ZDHHC11: variants seen among roughly 807,000 people sequenced by gnomAD.
The protein encoded by ZDHHC11 is zDHHC palmitoyltransferase 11, also known as palmitoyltransferase ZDHHC11.
ZDHHC11 carries 44 observed loss-of-function variants against 51.3 expected under a neutral mutation model. The observed-to-expected ratio is 0.86, with a 90% CI of 0.67 to 1.10. The LOEUF is 1.10. Among genes scored for constraint, ZDHHC11 ranks in the 50% least tolerant of loss-of-function variants. ZDHHC11 has a pLI of 0.00. For synonymous variants in ZDHHC11, 163 were observed against 222.0 expected, an observed-to-expected ratio of 0.73 and a Z score of 2.36; for missense variants, 400 against 537.7, an observed-to-expected ratio of 0.74 and a Z score of 2.53.
At chr5:829,070 A>G (rs529005696) in intron 7 of ZDHHC11, among the ~76,000 whole-genome samples, 1 of 135,246 alleles carries the variant, frequency 7.4e-6, no homozygotes, top group Admixed American at 7.7e-5. Flanking sequence ...CAGACAATCT[A>G]AAGTCACACC....
intron 1 of ZDHHC11, among the ~76,000 whole-genome samples, chr5:857,515 T>C (rs1183233606): frequency 6.6e-6 from 1 of 152,098 alleles, no homozygotes; most frequent in African/African-American, 2.4e-5. Flanking sequence ...CATCCCTGTC[T>C]TTATGACACC....
rs191700048 is a variant in ZDHHC11, at chr5:827,792, G to C, written c.936-2541C>G. ...TTCTTGGGTGTTTCTCACAGAGGGGGATTTGGCAGGGTCATAGGACAATAG... is the reference window on the plus strand; with the variant it reads ...TTCTTGGGTGTTTCTCACAGAGGGGCATTTGGCAGGGTCATAGGACAATAG... On this transcript the variant is annotated intron_variant, in intron 7 of 12. Coordinates refer to ENST00000283441, the MANE Select transcript of ZDHHC11 (RefSeq NM_024786.3). 8.2e-4 allele frequency among the ~76,000 whole-genome samples: 123 copies of C among 150,106 alleles called. 1 individual carries two copies. Among genetic ancestry groups the C allele is most frequent in the African/African-American group, 2.9e-3 (119 of 40,672 alleles).
intron 6 of ZDHHC11, among the ~76,000 whole-genome samples, chr5:834,690 C>T (rs1209846173): frequency 6.6e-6 from 1 of 152,298 alleles, no homozygotes; most frequent in Non-Finnish European, 1.5e-5. Flanking sequence ...TGTTTTTTCA[C>T]AAATTGAGGG....
chr5:798,843 G>A (rs1181442354), intron 12 of ZDHHC11, among the ~76,000 whole-genome samples: 3 of 152,096 alleles, frequency 2.0e-5, no homozygotes, highest in Middle Eastern at 3.2e-3. Flanking sequence ...AGGAAGACCA[G>A]ATGCTTTTGA....
upstream of ZDHHC11, among the ~76,000 whole-genome samples, chr5:853,329 C>G (rs1217529512): frequency 7.1e-6 from 1 of 140,980 alleles, no homozygotes; most frequent in Admixed American, 7.2e-5. Context: ...CGGGCACAGA[C>G]CCCGCAGAGG....
At chr5:850,348 C>T (rs772009285) in intron 1 of ZDHHC11, 33 bp downstream of exon 1, 1 of 1,604,438 alleles carries the variant, frequency 6.2e-7, no homozygotes, top group Non-Finnish European at 8.5e-7. Flanking sequence ...AGGAACCCCT[C>T]CCGCTTAGAC....
intron 10 of ZDHHC11, chr5:816,916 C>G (rs140980985): frequency 4.9e-6 from 2 of 410,780 alleles, no homozygotes; most frequent in East Asian, 1.1e-4. Flanking sequence ...ATTTTTCTGA[C>G]CCCAGTGGGA....
chr5:837,576 T>C, intron 5 of ZDHHC11, 96 bp from the exon 6 acceptor site: 1 of 1,331,018 alleles, frequency 7.5e-7, no homozygotes, highest in Non-Finnish European at 1.1e-6. Flanking sequence ...GTGCCACTGA[T>C]CCGGCCCCTG....
upstream of ZDHHC11, among the ~76,000 whole-genome samples, chr5:851,601 C>T (rs550760810): frequency 4.4e-4 from 67 of 152,344 alleles, no homozygotes; most frequent in African/African-American, 1.6e-3. Context: ...TTCTTGCAGT[C>T]GTGAACGTCC....
At chr5:852,593 C>T (rs758013475), upstream of ZDHHC11, among the ~76,000 whole-genome samples, 10 of 150,950 alleles carry the variant, frequency 6.6e-5, no homozygotes, top group East Asian at 1.6e-3. Context: ...CGGGGACAGA[C>T]GCCACGGAGG....
upstream of ZDHHC11, among the ~76,000 whole-genome samples, chr5:853,816 C>T (rs565701072): frequency 6.3e-5 from 6 of 94,906 alleles, no homozygotes; most frequent in African/African-American, 2.4e-4. Context: ...CAGACCCCAC[C>T]GAGGACAGCC....
At chr5:851,811 T>C (rs1288232857), upstream of ZDHHC11, among the ~76,000 whole-genome samples, 1 of 152,164 alleles carries the variant, frequency 6.6e-6, no homozygotes, top group Non-Finnish European at 1.5e-5. Flanking sequence ...ATCCCAGCAC[T>C]GTGGGAAGCC....
At chr5:844,095 T>G (rs1745683709) in intron 3 of ZDHHC11, among the ~76,000 whole-genome samples, 1 of 151,680 alleles carries the variant, frequency 6.6e-6, no homozygotes, top group African/African-American at 2.4e-5. Context: ...CAGGTCAGTG[T>G]GGGCGTCCAC....
rs151053227 is a variant in ZDHHC11, at chr5:797,794, TGTG to T, written c.*8-1217_*8-1215del. ...TCTCACTCAGTGCTTTATTTTCACA[TGTG>T]GTGGGTTGTTTTTCATTGAGAATTG... is the stretch of plus-strand genomic sequence containing the variant. On this transcript the variant is annotated intron_variant, in intron 12 of 12. Coordinates refer to ENST00000283441, the MANE Select transcript of ZDHHC11 (RefSeq NM_024786.3). 2.6e-3 allele frequency among the ~76,000 whole-genome samples: 394 copies of T among 151,512 alleles called. 4 individuals are homozygous for T. The East Asian group carries it at 0.029, about 11-fold the overall frequency.
At chr5:857,489 G>A (rs1227208441) in intron 1 of ZDHHC11, among the ~76,000 whole-genome samples, 1 of 152,148 alleles carries the variant, frequency 6.6e-6, no homozygotes, top group African/African-American at 2.4e-5. Flanking sequence ...CAGGCCCCCA[G>A]AGTCTGTCCC....
intron 11 of ZDHHC11, among the ~76,000 whole-genome samples, chr5:812,246 T>A (rs1284819069): frequency 6.6e-6 from 1 of 150,708 alleles, no homozygotes; most frequent in East Asian, 1.9e-4. Flanking sequence ...ACAACTGACT[T>A]CACAAAAATT....
At chr5:824,169 C>T (rs1377931009) in intron 8 of ZDHHC11, 10 of 439,348 alleles carry the variant, frequency 2.3e-5, no homozygotes, top group African/African-American at 2.0e-4. Context: ...TCAAAAGGAC[C>T]AGCCTGCGGC....
At chr5:819,329 C>T (rs1741255795) in intron 10 of ZDHHC11, among the ~76,000 whole-genome samples, 196 bp downstream of exon 10, 1 of 151,584 alleles carries the variant, frequency 6.6e-6, no homozygotes, top group African/African-American at 2.4e-5. Context: ...CTCTCACCCA[C>T]AGCTGGGAAG....
intron 5 of ZDHHC11, among the ~76,000 whole-genome samples, chr5:838,456 G>T (rs1744239382): frequency 6.6e-6 from 1 of 152,082 alleles, no homozygotes. Context: ...GCAGTGAGGA[G>T]CAGATGGCGG....
Sources: allele counts gnomAD v4.1 joint callset (sites outside exome capture counted in the v4.1 genomes callset), GRCh38; gene constraint gnomAD v4.1.1; transcripts MANE v1.5; gene names NCBI Gene and HGNC (gene_info 2026-07-23, HGNC 2026-07-21).